The following AFF3 variants were observed in gnomAD, a reference collection of about 807,000 sequenced individuals.
AFF3 encodes ALF transcription elongation factor 3.
In AFF3, 32 loss-of-function variants were observed where a neutral mutation model predicts 129.7. That is an observed-to-expected ratio of 0.25 (90% CI 0.19 to 0.33). The LOEUF is 0.33. Among genes scored for constraint, AFF3 ranks in the 10% least tolerant of loss-of-function variants. The pLI is 1.00. For synonymous variants in AFF3, 644 were observed against 635.4 expected (o/e 1.01, Z -0.20); for missense variants, 1,373 against 1,592.0 (o/e 0.86, Z 2.34).
At chr2:99,837,188 G>A (rs926095300) in intron 8 of AFF3, among the ~76,000 whole-genome samples, 4 of 152,164 alleles carry the variant, frequency 2.6e-5, no homozygotes, top group Non-Finnish European at 4.4e-5. Context: ...GATAAATGGG[G>A]CATCCACATG....
intron 7 of AFF3, among the ~76,000 whole-genome samples, chr2:99,843,801 A>G (rs903204031): frequency 6.6e-6 from 1 of 152,220 alleles, no homozygotes; most frequent in Non-Finnish European, 1.5e-5. Flanking sequence ...AAAAATATTT[A>G]AAAATCCCAT....
chr2:99,659,533 A>G (rs1686042402), intron 12 of AFF3, among the ~76,000 whole-genome samples: 2 of 152,166 alleles, frequency 1.3e-5, no homozygotes, highest in African/African-American at 4.8e-5. Context: ...AGATCTCACT[A>G]GAATGGGCAG....
Position 99,882,016 on chromosome 2 carries a change from A to G in AFF3, c.874-44492T>C, listed in dbSNP as rs185529466. ...CGCTGGGAAAGGAAAATAGCAGCAA[A>G]TCATGTCTCATTTTGGCATGATTGG... On this transcript the variant is annotated intron_variant, in intron 7 of 24. Coordinates refer to ENST00000672756, the MANE Select transcript of AFF3 (RefSeq NM_001386135.1). Among the ~76,000 whole-genome samples the G allele has an allele frequency of 5.3e-5, 8 of 152,088 alleles. No homozygotes were observed. The East Asian group carries it at 1.2e-3, about 22-fold the overall frequency.
At chr2:99,605,471 G>C (rs530432240) in intron 13 of AFF3, among the ~76,000 whole-genome samples, 33 of 152,276 alleles carry the variant, frequency 2.2e-4, no homozygotes, top group Middle Eastern at 3.4e-3. Context: ...CTTCCACAAA[G>C]GCAACTCCTC....
intron 8 of AFF3, among the ~76,000 whole-genome samples, chr2:99,797,063 C>A (rs1184424171): frequency 1.3e-5 from 2 of 152,056 alleles, no homozygotes; most frequent in Non-Finnish European, 2.9e-5. Context: ...TGTCTGGGTC[C>A]AACCAAAGAT....
intron 13 of AFF3, among the ~76,000 whole-genome samples, chr2:99,626,608 A>G (rs1291112741): frequency 1.4e-5 from 2 of 145,588 alleles, no homozygotes; most frequent in Non-Finnish European, 3.0e-5. Flanking sequence ...TCAGGGGTAC[A>G]TGTGCAGGTT....
rs1229344073 is a variant in AFF3, at chr2:99,755,827, T to TTGATCG, written c.922-3527_922-3526insCGATCA. On this transcript the variant is annotated intron_variant, in intron 8 of 24. Transcript: ENST00000672756. ...TCCGGTAAAAATCGGCATATCAAATTGCTCTTGAAATTCAACACCCAACAC... is the reference window on the plus strand; with the variant it reads ...TCCGGTAAAAATCGGCATATCAAATTTGATCGGCTCTTGAAATTCAACACCCAACAC... Among the ~76,000 whole-genome samples, 30 of 152,326 alleles carry TTGATCG rather than the reference T, an allele frequency of 2.0e-4. 1 individual carries two copies. Among genetic ancestry groups the TTGATCG allele is most frequent in the South Asian group, 1.7e-3 (8 of 4,828 alleles).
At chr2:99,838,427 C>G (rs1689060510) in intron 7 of AFF3, among the ~76,000 whole-genome samples, 1 of 152,234 alleles carries the variant, frequency 6.6e-6, no homozygotes. Context: ...ACTGTTCTCT[C>G]TCTACCAAGA....
intron 12 of AFF3, among the ~76,000 whole-genome samples, chr2:99,663,115 C>T (rs906429902): frequency 2.6e-5 from 4 of 152,196 alleles, no homozygotes; most frequent in Admixed American, 2.0e-4. Context: ...TTGACATGTA[C>T]TGTCAATGCT....
chr2:99,805,335 T>C (rs1388054909), intron 8 of AFF3, among the ~76,000 whole-genome samples: 10 of 152,170 alleles, frequency 6.6e-5, no homozygotes, highest in Admixed American at 4.6e-4. Flanking sequence ...AGAAACATTT[T>C]TGAAAAGTGA....
chr2:99,581,818 T>C (rs977845360), intron 17 of AFF3, among the ~76,000 whole-genome samples: 1 of 151,280 alleles, frequency 6.6e-6, no homozygotes, highest in African/African-American at 2.4e-5. Flanking sequence ...AACTAACATG[T>C]AGTGTTAGTT....
intron 8 of AFF3, among the ~76,000 whole-genome samples, chr2:99,769,086 T>C (rs1683256416): frequency 6.6e-6 from 1 of 152,218 alleles, no homozygotes; most frequent in African/African-American, 2.4e-5. Context: ...TCCCTATCTA[T>C]TTCTCTCTCT....
At chr2:99,737,289 T>C (rs963989085) in intron 10 of AFF3, among the ~76,000 whole-genome samples, 1 of 152,162 alleles carries the variant, frequency 6.6e-6, no homozygotes, top group Non-Finnish European at 1.5e-5. Flanking sequence ...ATCAACATTG[T>C]TTAAATTTTC....
chr2:99,927,791 C>T (rs1054502555), intron 7 of AFF3, among the ~76,000 whole-genome samples: 1 of 152,132 alleles, frequency 6.6e-6, no homozygotes, highest in Non-Finnish European at 1.5e-5. Context: ...CATGAATGTA[C>T]ATACTGAGAG....
chr2:99,860,434 G>T (rs1690891828), intron 7 of AFF3, among the ~76,000 whole-genome samples: 1 of 151,782 alleles, frequency 6.6e-6, no homozygotes, highest in Non-Finnish European at 1.5e-5. Flanking sequence ...GGTGCCTGTA[G>T]CCCCAGCTAC....
At chr2:99,852,958 T>C (rs772166872) in intron 7 of AFF3, among the ~76,000 whole-genome samples, 1 of 152,340 alleles carries the variant, frequency 6.6e-6, no homozygotes, top group African/African-American at 2.4e-5. Context: ...AGAACCTATT[T>C]ATAGCTTTAT....
rs577784999 is a variant in AFF3, at chr2:99,930,345, G to A, written c.873+76287C>T. Among the ~76,000 whole-genome samples the A allele has an allele frequency of 2.0e-5, 3 of 152,282 alleles. No individual in the cohort carries two copies. The East Asian group carries it at 5.8e-4, about 29-fold the overall frequency. On this transcript the variant is annotated intron_variant, in intron 7 of 24. Coordinates refer to ENST00000672756, the MANE Select transcript of AFF3 (RefSeq NM_001386135.1). Reference sequence around the variant, plus strand: ...TGCCTCATGGGATCCTGCCCTGTCAGTAGTAAGCATCTTCAAAGTGGCTCC... The same window carrying A: ...TGCCTCATGGGATCCTGCCCTGTCAATAGTAAGCATCTTCAAAGTGGCTCC...
chr2:99,563,809 T>TC (rs1675712718), intron 20 of AFF3, among the ~76,000 whole-genome samples: 1 of 16,982 alleles, frequency 5.9e-5, no homozygotes, highest in African/African-American at 1.5e-4. Context: ...AAATTTAGTC[T>TC]CAAAAAAAAA....
intron 12 of AFF3, among the ~76,000 whole-genome samples, chr2:99,666,441 A>G (rs1170893536): frequency 6.6e-6 from 1 of 152,232 alleles, no homozygotes; most frequent in East Asian, 1.9e-4. Flanking sequence ...CAGACAAATC[A>G]AAACAGAATT....
Sources: allele counts gnomAD v4.1 joint callset (sites outside exome capture counted in the v4.1 genomes callset), GRCh38; gene constraint gnomAD v4.1.1; transcripts MANE v1.5; gene names NCBI Gene and HGNC (gene_info 2026-07-23, HGNC 2026-07-21).